The following DCAF6 variants were observed in gnomAD, a reference collection of about 807,000 sequenced individuals.
DCAF6 encodes the protein DDB1- and CUL4-associated factor 6.
In DCAF6, 54 loss-of-function variants were observed where a neutral mutation model predicts 125.1. That is an observed-to-expected ratio of 0.43 (90% CI 0.35 to 0.54). The LOEUF (loss-of-function observed/expected upper bound fraction) is 0.54. DCAF6 is among the 20% of genes least tolerant of loss of function. The pLI is 0.01. For synonymous variants in DCAF6, 371 were observed against 390.4 expected, an observed-to-expected ratio of 0.95 and a Z score of 0.58; for missense variants, 934 against 1,161.7, an observed-to-expected ratio of 0.80 and a Z score of 2.85.
intron 17 of DCAF6, among the ~76,000 whole-genome samples, chr1:168,055,336 T>TAATAATAAATTCACACTCAA (rs1553249380): frequency 1.6e-3 from 24 of 15,068 alleles, no homozygotes; most frequent in Admixed American, 5.2e-3. Flanking sequence ...CTTAAGTTTT[T>TAATAATAAATTCACACTCAA]TTTTTTTTTT....
At chr1:167,924,194 C>T in the DCAF6 span, among the ~76,000 whole-genome samples, 1 of 152,064 alleles carries the variant, frequency 6.6e-6, no homozygotes, top group Admixed American at 6.6e-5. Context: ...TTCTAACTAG[C>T]TTAATGTTTT....
At chr1:167,971,618 A>C (rs972547620) in intron 3 of DCAF6, among the ~76,000 whole-genome samples, 6 of 152,224 alleles carry the variant, frequency 3.9e-5, no homozygotes, top group Non-Finnish European at 5.9e-5. Flanking sequence ...TTGGCCAGCT[A>C]TTTAGTCAAA....
At chr1:167,905,297 T>G in the DCAF6 span, 2 of 928,362 alleles carry the variant, frequency 2.2e-6, no homozygotes, top group South Asian at 2.9e-5. Context: ...GCGGCCTGCT[T>G]ATAGTGGTGA....
At chr1:167,942,833 T>G (rs1672457983) in intron 1 of DCAF6, among the ~76,000 whole-genome samples, 2 of 152,198 alleles carry the variant, frequency 1.3e-5, no homozygotes. Flanking sequence ...TTTAAGTCAA[T>G]TTCCTAGCCA....
chr1:167,870,319 T>C, the DCAF6 span: 1 of 1,614,102 alleles, frequency 6.2e-7, no homozygotes, highest in Non-Finnish European at 8.5e-7. Context: ...TTCCATATCC[T>C]GGTAATCCCT....
At chr1:167,954,553 C>T (rs1042665572) in intron 2 of DCAF6, among the ~76,000 whole-genome samples, 23 of 151,784 alleles carry the variant, frequency 1.5e-4, no homozygotes, top group Non-Finnish European at 2.4e-4. Context: ...CCCGGATTCA[C>T]GCCAGTCTCC....
chr1:167,948,826 A>G (rs1347523995), intron 1 of DCAF6, among the ~76,000 whole-genome samples: 1 of 151,892 alleles, frequency 6.6e-6, no homozygotes, highest in Non-Finnish European at 1.5e-5. Flanking sequence ...TAATTTTTGT[A>G]TTTTTAGTAG....
chr1:167,929,343 G>C, the DCAF6 span, among the ~76,000 whole-genome samples: 36 of 151,678 alleles, frequency 2.4e-4, no homozygotes, highest in Non-Finnish European at 4.6e-4. Flanking sequence ...TGGGCAATAA[G>C]AGCGAAACTC....
chr1:168,045,791 T>C (rs1210640731), intron 16 of DCAF6, among the ~76,000 whole-genome samples: 1 of 152,170 alleles, frequency 6.6e-6, no homozygotes, highest in Non-Finnish European at 1.5e-5. Context: ...TTTTATAGTT[T>C]TTCTATATTT....
the DCAF6 span, among the ~76,000 whole-genome samples, chr1:167,890,701 C>G: frequency 2.0e-5 from 3 of 152,100 alleles, no homozygotes; most frequent in African/African-American, 7.2e-5. Flanking sequence ...GAGTTTGGCT[C>G]TCTTATTTTT....
At chr1:168,055,723 A>G (rs547008683) in intron 17 of DCAF6, among the ~76,000 whole-genome samples, 2 of 88,694 alleles carry the variant, frequency 2.3e-5, no homozygotes, top group East Asian at 4.6e-4. Context: ...TATTATATTT[A>G]TCTATAATCA....
intron 2 of DCAF6, 117 bp from the exon 3 acceptor site, chr1:167,966,512 A>T: frequency 1.4e-6 from 1 of 700,352 alleles, no homozygotes; most frequent in Admixed American, 2.5e-5. Flanking sequence ...TATGTTAAAT[A>T]CTTTTTAACG....
chr1:167,946,181 A>G (rs1012851420), intron 1 of DCAF6, among the ~76,000 whole-genome samples: 19 of 151,784 alleles, frequency 1.3e-4, no homozygotes, highest in Non-Finnish European at 2.1e-4. Flanking sequence ...GTCTTGAACT[A>G]CTGACCTCAG....
At chr1:167,910,996 C>T in the DCAF6 span, among the ~76,000 whole-genome samples, 1 of 152,194 alleles carries the variant, frequency 6.6e-6, no homozygotes, top group African/African-American at 2.4e-5. Flanking sequence ...CTTGGCAATA[C>T]CACACTCTCC....
the DCAF6 span, chr1:167,920,108 T>A: frequency 6.6e-7 from 1 of 1,514,584 alleles, no homozygotes; most frequent in Non-Finnish European, 9.1e-7. Flanking sequence ...AACAAAATGT[T>A]ACTTTAAAAA....
chr1:168,007,942 T>G (rs1683568428), intron 10 of DCAF6, among the ~76,000 whole-genome samples: 1 of 151,438 alleles, frequency 6.6e-6, no homozygotes, highest in Admixed American at 6.6e-5. Context: ...TGACAGTATG[T>G]TTTTGTTATT....
the DCAF6 span, among the ~76,000 whole-genome samples, chr1:167,903,316 C>A: frequency 6.6e-6 from 1 of 151,122 alleles, no homozygotes; most frequent in Non-Finnish European, 1.5e-5. Context: ...GTAATCCCAG[C>A]ACTTTGGGGG....
In DCAF6 at chr1:167,970,252, C is replaced by T. The variant is rs141034177; in HGVS notation, c.252+3531C>T. On this transcript the variant is annotated intron_variant, in intron 3 of 21. Transcript: ENST00000367840. ...TATTTGCTTATTTTTAAAGAAATGA[C>T]GATCCCTTTGATGTATGATTTCCAA... 2.1e-3 allele frequency among the ~76,000 whole-genome samples: 325 copies of T among 152,190 alleles called. 2 individuals are homozygous for T. Among genetic ancestry groups the T allele is most frequent in the African/African-American group, 7.2e-3 (301 of 41,526 alleles).
At chr1:168,022,085 G>C (rs1685740243) in intron 11 of DCAF6, among the ~76,000 whole-genome samples, 2 of 151,938 alleles carry the variant, frequency 1.3e-5, no homozygotes, top group African/African-American at 4.8e-5. Context: ...AGGCTGATTA[G>C]AGAGTAAGGA....
Sources: gnomAD v4.1 joint callset for allele counts (sites outside exome capture counted in the v4.1 genomes callset) on GRCh38, gnomAD v4.1.1 for gene constraint, MANE v1.5 for transcripts, NCBI Gene and HGNC (gene_info 2026-07-23, HGNC 2026-07-21) for gene names.